Variants in SLC29A3 observed in about 807,000 individuals in gnomAD.
The protein encoded by SLC29A3 is equilibrative nucleoside transporter 3.
Under a neutral mutation model 25.4 loss-of-function variants are expected in SLC29A3, and 18 were observed. That is an observed-to-expected ratio of 0.71 (90% CI 0.49 to 1.05). The LOEUF is 1.05. Ranked by LOEUF, SLC29A3 falls within the 50% of genes least tolerant of loss-of-function variation. The pLI, the probability that SLC29A3 is intolerant of heterozygous loss-of-function variation, is 0.00. For synonymous variants in SLC29A3, 258 were observed against 267.1 expected, an observed-to-expected ratio of 0.97 and a Z score of 0.33; for missense variants, 586 against 609.0, an observed-to-expected ratio of 0.96 and a Z score of 0.40.
At chr10:71,326,596 G>T (rs1403897462) in intron 2 of SLC29A3, among the ~76,000 whole-genome samples, 1 of 152,206 alleles carries the variant, frequency 6.6e-6, no homozygotes, top group East Asian at 1.9e-4. Flanking sequence ...GTGTGCACCT[G>T]CCCTGCCCCT....
intron 2 of SLC29A3, among the ~76,000 whole-genome samples, chr10:71,339,523 A>T (rs1846340679): frequency 6.6e-6 from 1 of 152,090 alleles, no homozygotes; most frequent in Non-Finnish European, 1.5e-5. Flanking sequence ...CCTCTCTGCC[A>T]TTAGCGCTCT....
chr10:71,359,805 C>T (rs950684197), intron 5 of SLC29A3, among the ~76,000 whole-genome samples: 1 of 152,240 alleles, frequency 6.6e-6, no homozygotes, highest in Non-Finnish European at 1.5e-5. Flanking sequence ...TTACTGCTTA[C>T]ACACACACCC....
At chr10:71,343,777 G>A (rs537889947) in intron 2 of SLC29A3, among the ~76,000 whole-genome samples, 18 of 152,254 alleles carry the variant, frequency 1.2e-4, no homozygotes, top group East Asian at 1.2e-3. Flanking sequence ...GCAAGACCTC[G>A]TCTCTACTAA....
At chr10:71,379,515 T>C (rs1236963579) in intron 4 of SLC29A3, among the ~76,000 whole-genome samples, 4 of 152,192 alleles carry the variant, frequency 2.6e-5, no homozygotes, top group African/African-American at 9.7e-5. Context: ...AATGAATCAG[T>C]TGTTTTTCTA....
chr10:71,323,384 G>A (rs573607498), intron 2 of SLC29A3, among the ~76,000 whole-genome samples: 22 of 152,362 alleles, frequency 1.4e-4, no homozygotes, highest in African/African-American at 5.3e-4. Context: ...CCCAAGGCTG[G>A]TATGATGTTC....
At chr10:71,373,360 C>T (rs571219709) in intron 3 of SLC29A3, among the ~76,000 whole-genome samples, 13 of 152,254 alleles carry the variant, frequency 8.5e-5, no homozygotes, top group African/African-American at 3.1e-4. Context: ...GTGTGCTGGC[C>T]CTGGCCTGTT....
chr10:71,329,787 G>C (rs1049331714), intron 2 of SLC29A3, among the ~76,000 whole-genome samples: 3 of 152,214 alleles, frequency 2.0e-5, no homozygotes, highest in Admixed American at 2.0e-4. Flanking sequence ...AAAAGCAGCT[G>C]TCCTCTGCCT....
chr10:71,348,993 G>A (rs1033667056), intron 3 of SLC29A3, among the ~76,000 whole-genome samples: 1 of 152,168 alleles, frequency 6.6e-6, no homozygotes, highest in African/African-American at 2.4e-5. Flanking sequence ...GCATGGCTGA[G>A]CAGGAGGGAG....
At chr10:71,342,381 G>A (rs900992276) in intron 2 of SLC29A3, among the ~76,000 whole-genome samples, 1 of 152,162 alleles carries the variant, frequency 6.6e-6, no homozygotes, top group African/African-American at 2.4e-5. Flanking sequence ...GCAGAGAAAT[G>A]GGCCCAGACA....
intron 2 of SLC29A3, among the ~76,000 whole-genome samples, chr10:71,338,839 A>G (rs1846320957): frequency 6.6e-6 from 1 of 152,178 alleles, no homozygotes; most frequent in African/African-American, 2.4e-5. Flanking sequence ...TAGAAGAAAG[A>G]CACTGCCCTC....
Position 71,336,049 on chromosome 10 carries a change from A to G in SLC29A3, c.301-8160A>G, listed in dbSNP as rs138012554. 5.3e-3 allele frequency among the ~76,000 whole-genome samples: 801 copies of G among 152,324 alleles called. 7 individuals are homozygous for G. The highest frequency in any genetic ancestry group is 0.024 in the Middle Eastern group (7 of 294). On this transcript the variant is annotated intron_variant, in intron 2 of 5. Transcript: ENST00000373189. The stretch of plus-strand genomic sequence containing the variant: ...TAGTTTCTTGTGGCTGCCTTCACCA[A>G]GTACCACAAACTGGGTAGCTGAAAA...
intron 2 of SLC29A3, among the ~76,000 whole-genome samples, chr10:71,323,566 T>G (rs150626278): frequency 1.2e-3 from 186 of 152,350 alleles, no homozygotes; most frequent in African/African-American, 4.3e-3. Context: ...GTAACATACA[T>G]TGCTCTTCTT....
intron 2 of SLC29A3, among the ~76,000 whole-genome samples, chr10:71,343,161 CAG>C (rs1166044134): frequency 6.6e-6 from 1 of 152,150 alleles, no homozygotes; most frequent in African/African-American, 2.4e-5. Context: ...TTTGTAGAGA[CAG>C]AGTCTCACTA....
At chr10:71,345,291 AGC>A (rs1846537994) in intron 3 of SLC29A3, among the ~76,000 whole-genome samples, 2 of 152,220 alleles carry the variant, frequency 1.3e-5, no homozygotes, top group African/African-American at 4.8e-5. Flanking sequence ...ATCGAGGTTC[AGC>A]TGTCATACTC....
chr10:71,375,785 A>T lies in SLC29A3; in HGVS notation c.*185A>T, dbSNP rs952232499. 3 of 152,200 alleles carry T rather than the reference A, an allele frequency of 2.0e-5. No individual in the cohort carries two copies. The South Asian group carries it at 6.2e-4, about 31-fold the overall frequency. 9.4% of individuals were successfully genotyped at this position (152,200 alleles called of 1,614,324 possible). On this transcript the variant is annotated 3_prime_UTR_variant and NMD_transcript_variant, in exon 4 of 5. Transcript: ENST00000642772. ...AGAACACAGACGGCTGTCTCCCCTGAAAGCCAAACAGATACTCATGGGCCA... is the reference window on the plus strand; with the variant it reads ...AGAACACAGACGGCTGTCTCCCCTGTAAGCCAAACAGATACTCATGGGCCA...
rs1845890673 is a variant in SLC29A3 at position 71,323,064 on chromosome 10, T to C, written c.300+10T>C. The C allele has an allele frequency of 6.2e-7, 1 of 1,610,718 alleles. No homozygotes were observed. The highest frequency in any genetic ancestry group is 1.3e-5 in the African/African-American group (1 of 75,018). The stretch of plus-strand genomic sequence containing the variant: ...GGGCTCAGACATCCTGGTAAGGGCA[T>C]GTTTCTCCTGCAAGGCTGGTGGGAG... On this transcript the variant is annotated intron_variant, in intron 2 of 5. Transcript: ENST00000373189.
At chr10:71,327,770 C>T (rs1846005062) in intron 2 of SLC29A3, among the ~76,000 whole-genome samples, 1 of 140,554 alleles carries the variant, frequency 7.1e-6, no homozygotes, top group Admixed American at 7.8e-5. Context: ...AGAGCCTGCC[C>T]CTGGTCTGGC....
rs368562698 is a variant in SLC29A3, at chr10:71,348,834, C to T, written c.384-2728C>T. 6.6e-5 allele frequency among the ~76,000 whole-genome samples: 10 copies of T among 152,178 alleles called. No individual in the cohort carries two copies. The South Asian group carries it at 8.3e-4, about 13-fold the overall frequency. On this transcript the variant is annotated intron_variant, in intron 3 of 5. Coordinates refer to ENST00000373189, the MANE Select transcript of SLC29A3 (RefSeq NM_018344.6). The stretch of plus-strand genomic sequence containing the variant: ...AGGCCCTGAAACAAGGATTCAAATG[C>T]GAGTAGTTTATCTGGGAGGTGAAGG...
At chr10:71,367,578 C>A (rs1402136993), downstream of SLC29A3, among the ~76,000 whole-genome samples, 1 of 152,188 alleles carries the variant, frequency 6.6e-6, no homozygotes, top group Admixed American at 6.5e-5. Context: ...CAGTGCACAC[C>A]CCCTACTGCC....
Sources: gnomAD v4.1 joint callset for allele counts (sites outside exome capture counted in the v4.1 genomes callset) on GRCh38, gnomAD v4.1.1 for gene constraint, MANE v1.5 for transcripts, NCBI Gene and HGNC (gene_info 2026-07-23, HGNC 2026-07-21) for gene names.